The following PRKG1 variants were observed in gnomAD, a reference collection of about 807,000 sequenced individuals.
PRKG1 encodes the protein protein kinase cGMP-dependent 1.
A neutral mutation model predicts 88.1 loss-of-function variants in PRKG1; 35 were observed. The observed-to-expected ratio is 0.40, with a 90% CI of 0.30 to 0.53. The LOEUF is 0.53. Among genes scored for constraint, PRKG1 ranks in the 20% least tolerant of loss-of-function variants. The probability of loss-of-function intolerance (pLI) is 0.59; values close to 1 mark genes in which losing one functional copy is unlikely to be tolerated. For synonymous variants in PRKG1, 303 were observed against 292.5 expected (o/e 1.04, Z -0.37); for missense variants, 540 against 839.8 (o/e 0.64, Z 4.41).
intron 2 of PRKG1, among the ~76,000 whole-genome samples, chr10:51,298,490 A>T (rs1274589320): frequency 6.6e-6 from 1 of 152,218 alleles, no homozygotes; most frequent in Non-Finnish European, 1.5e-5. Flanking sequence ...TAAATGAAAC[A>T]GCTTTATGTA....
chr10:51,985,641 A>AT (rs1375215319), intron 5 of PRKG1, among the ~76,000 whole-genome samples: 1 of 152,126 alleles, frequency 6.6e-6, no homozygotes, highest in Admixed American at 6.5e-5. Flanking sequence ...TCTAATTAAT[A>AT]TTTTTTATAG....
chr10:51,297,394 C>T (rs763457127), intron 2 of PRKG1, among the ~76,000 whole-genome samples: 1 of 152,082 alleles, frequency 6.6e-6, no homozygotes, highest in African/African-American at 2.4e-5. Flanking sequence ...ACTGCTAAGT[C>T]GCCATCTGTT....
intron 3 of PRKG1, among the ~76,000 whole-genome samples, chr10:51,796,533 A>G: frequency 6.6e-6 from 1 of 152,102 alleles, no homozygotes; most frequent in African/African-American, 2.4e-5. Context: ...TGGACAGTGC[A>G]GATTAAAACA....
chr10:51,628,633 G>A (rs767643645), intron 3 of PRKG1, among the ~76,000 whole-genome samples: 51 of 152,122 alleles, frequency 3.4e-4, no homozygotes, highest in Admixed American at 1.2e-3. Context: ...TCTGGTAAGT[G>A]CCTCTGAAAT....
chr10:52,156,165 G>A (rs10733899), intron 8 of PRKG1, among the ~76,000 whole-genome samples: 1 of 151,212 alleles, frequency 6.6e-6, no homozygotes, highest in African/African-American at 2.4e-5. Flanking sequence ...GTGTGTGTAA[G>A]TGTCTCTTGC....
At chr10:52,086,140 A>G (rs1481133684) in intron 7 of PRKG1, among the ~76,000 whole-genome samples, 1 of 151,876 alleles carries the variant, frequency 6.6e-6, no homozygotes, top group African/African-American at 2.4e-5. Context: ...CTATGCTTTT[A>G]ATGTCAAAAT....
At chr10:51,581,013 G>T (rs947913445) in intron 3 of PRKG1, among the ~76,000 whole-genome samples, 1 of 152,028 alleles carries the variant, frequency 6.6e-6, no homozygotes, top group Non-Finnish European at 1.5e-5. Context: ...TCCAGGGGGG[G>T]GTCACTGCCT....
chr10:51,993,666 G>A (rs188147296), intron 5 of PRKG1, among the ~76,000 whole-genome samples: 9 of 151,676 alleles, frequency 5.9e-5, no homozygotes, highest in Admixed American at 4.6e-4. Flanking sequence ...CAACAGCAGA[G>A]CTCTTTCTGT....
chr10:51,680,233 C>T (rs1840817170), intron 3 of PRKG1, among the ~76,000 whole-genome samples: 1 of 151,686 alleles, frequency 6.6e-6, no homozygotes, highest in South Asian at 2.1e-4. Context: ...TTAATGTATA[C>T]ATATGTAACT....
At chr10:52,264,537 G>A (rs1326026954) in intron 10 of PRKG1, among the ~76,000 whole-genome samples, 2 of 151,856 alleles carry the variant, frequency 1.3e-5, no homozygotes, top group South Asian at 4.1e-4. Flanking sequence ...ATTATTTCTG[G>A]ATTACTTACA....
chr10:51,352,483 C>A (rs1002821454), intron 2 of PRKG1, among the ~76,000 whole-genome samples: 3 of 151,966 alleles, frequency 2.0e-5, no homozygotes, highest in African/African-American at 7.2e-5. Context: ...TAAAAGTATT[C>A]TCAGTTATAA....
chr10:51,431,558 G>A (rs1489845564), intron 2 of PRKG1, among the ~76,000 whole-genome samples: 1 of 152,182 alleles, frequency 6.6e-6, no homozygotes, highest in Non-Finnish European at 1.5e-5. Context: ...TGGGCTCTGG[G>A]TTGGTTAGTT....
At chr10:52,221,171 A>G (rs1231345256) in intron 9 of PRKG1, among the ~76,000 whole-genome samples, 2 of 151,816 alleles carry the variant, frequency 1.3e-5, no homozygotes, top group South Asian at 2.1e-4. Context: ...TTTTTTTCAT[A>G]TGATTGTTGG....
At chr10:52,219,478 T>C (rs1237414252) in intron 9 of PRKG1, among the ~76,000 whole-genome samples, 2 of 152,178 alleles carry the variant, frequency 1.3e-5, no homozygotes, top group Non-Finnish European at 2.9e-5. Flanking sequence ...TGCATATTCA[T>C]TTATTATTCT....
At chr10:51,324,810 T>C (rs1011809041) in intron 2 of PRKG1, among the ~76,000 whole-genome samples, 6 of 151,790 alleles carry the variant, frequency 4.0e-5, no homozygotes, top group African/African-American at 7.2e-5. Context: ...TAGACACTTA[T>C]GTTGCTTCCA....
At chr10:51,584,679 G>C (rs930652670) in intron 3 of PRKG1, among the ~76,000 whole-genome samples, 1 of 152,016 alleles carries the variant, frequency 6.6e-6, no homozygotes, top group African/African-American at 2.4e-5. Context: ...AGTTACTTAT[G>C]TCTACATGTT....
chr10:52,079,658 C>T (rs1174583568), intron 7 of PRKG1, among the ~76,000 whole-genome samples: 1 of 152,044 alleles, frequency 6.6e-6, no homozygotes, highest in Non-Finnish European at 1.5e-5. Context: ...TATCCTACCC[C>T]AGTTGGATAT....
intron 7 of PRKG1, among the ~76,000 whole-genome samples, chr10:52,119,991 CAGAG>C (rs147162131): frequency 0.027 from 4,010 of 149,648 alleles, 152 homozygotes; most frequent in African/African-American, 0.094. Context: ...GAAAGTGAGA[CAGAG>C]AGAGAGAGAC....
At chr10:51,865,705 C>G (rs917932418) in intron 4 of PRKG1, among the ~76,000 whole-genome samples, 1 of 152,048 alleles carries the variant, frequency 6.6e-6, no homozygotes, top group African/African-American at 2.4e-5. Flanking sequence ...TACCTCTGGA[C>G]TGGCACTCAG....
Sources: gnomAD v4.1 joint callset for allele counts (sites outside exome capture counted in the v4.1 genomes callset) on GRCh38, gnomAD v4.1.1 for gene constraint, MANE v1.5 for transcripts, NCBI Gene and HGNC (gene_info 2026-07-23, HGNC 2026-07-21) for gene names.